Variants in TRAF2 observed in about 807,000 individuals in gnomAD.
The protein encoded by TRAF2 is TNF receptor-associated factor 2.
Under a neutral mutation model 55.6 loss-of-function variants are expected in TRAF2, and 6 were observed. The ratio of observed to expected loss-of-function variants is 0.11; its 90% CI spans 0.06 to 0.21. The LOEUF (loss-of-function observed/expected upper bound fraction) is 0.21. Among genes scored for constraint, TRAF2 ranks in the 10% least tolerant of loss-of-function variants. The pLI, the probability that TRAF2 is intolerant of heterozygous loss-of-function variation, is 1.00. For missense variants in TRAF2, 561 were observed against 684.5 expected (o/e 0.82, Z 2.01); for synonymous variants, 329 against 276.3 (o/e 1.19, Z -1.89).
chr9:136,916,454 C>T, intron 6 of TRAF2, 87 bp from the exon 7 acceptor site: 1 of 1,389,906 alleles, frequency 7.2e-7, no homozygotes. Flanking sequence ...GTCATGTAAC[C>T]TCTGTGTCAG....
chr9:136,910,885 G>A (rs893278481), intron 6 of TRAF2, among the ~76,000 whole-genome samples: 1 of 152,230 alleles, frequency 6.6e-6, no homozygotes, highest in Non-Finnish European at 1.5e-5. Context: ...GAGCTTGGCC[G>A]AGTGCTGTCT....
intron 4 of TRAF2, among the ~76,000 whole-genome samples, chr9:136,901,406 A>T (rs1204088238): frequency 6.6e-6 from 1 of 152,220 alleles, no homozygotes; most frequent in Non-Finnish European, 1.5e-5. Flanking sequence ...TGATCTGTGC[A>T]CACAGTGGGA....
Position 136,899,721 on chromosome 9 carries a change from A to C in TRAF2, c.267+49A>C, listed in dbSNP as rs1188878261. The stretch of plus-strand genomic sequence containing the variant: ...AAAATGTTGAACAGAAAATGTCTTA[A>C]TTTCCTTTACAACATGGGTGGGGCT... On this transcript the variant is annotated intron_variant, in intron 3 of 10. Transcript: ENST00000247668. The C allele has an allele frequency of 3.2e-6, 5 of 1,572,162 alleles. No individual in the cohort carries two copies. In the African/African-American group the frequency reaches 5.4e-5, roughly 17 times the overall value.
upstream of TRAF2, among the ~76,000 whole-genome samples, chr9:136,884,488 A>G (rs967431049): frequency 2.0e-5 from 3 of 151,990 alleles, no homozygotes; most frequent in Admixed American, 1.3e-4. Context: ...TGAACCCGGG[A>G]GGCAGAGGTT....
At chr9:136,907,788 G>T (rs764265195) in intron 4 of TRAF2, among the ~76,000 whole-genome samples, 7 of 152,006 alleles carry the variant, frequency 4.6e-5, no homozygotes, top group Non-Finnish European at 8.8e-5. Context: ...GGGGCAGATC[G>T]GGGAGCCTGG....
chr9:136,900,749 G>A, intron 4 of TRAF2: 1 of 542,512 alleles, frequency 1.8e-6, no homozygotes, highest in Non-Finnish European at 3.5e-6. Context: ...TGTGACCTCG[G>A]GCGAGGTATT....
At chr9:136,909,777 A>G (rs1850056654) in intron 5 of TRAF2, 143 bp from the exon 6 acceptor site, 1 of 762,702 alleles carries the variant, frequency 1.3e-6, no homozygotes. Flanking sequence ...CCTGCCCGGG[A>G]GGAGCACTGT....
intron 1 of TRAF2, among the ~76,000 whole-genome samples, chr9:136,887,784 AGTT>A (rs1475039959): frequency 6.6e-6 from 1 of 152,182 alleles, no homozygotes; most frequent in Non-Finnish European, 1.5e-5. Context: ...TTGTATAAAC[AGTT>A]GTTAAGAGTT....
upstream of TRAF2, chr9:136,882,033 G>C: frequency 1.0e-6 from 1 of 985,548 alleles, no homozygotes; most frequent in Non-Finnish European, 1.2e-6. Flanking sequence ...GGCTATTTGA[G>C]GTGGGCACTT....
intron 4 of TRAF2, among the ~76,000 whole-genome samples, chr9:136,905,987 C>T (rs567308622): frequency 1.2e-4 from 18 of 152,122 alleles, no homozygotes; most frequent in Non-Finnish European, 2.1e-4. Context: ...CGCCCGTAGT[C>T]CCAGCTACTC....
chr9:136,922,462 ACGG>A, intron 9 of TRAF2: 1 of 152,882 alleles, frequency 6.5e-6, no homozygotes, highest in South Asian at 2.0e-4. Context: ...AGGCCCTGCC[ACGG>A]AGGTGGTCTT....
upstream of TRAF2, among the ~76,000 whole-genome samples, chr9:136,884,951 G>C (rs903166422): frequency 1.3e-5 from 2 of 152,240 alleles, no homozygotes; most frequent in African/African-American, 4.8e-5. Context: ...ACGTTTGAGA[G>C]CTCAGTTAGT....
intron 1 of TRAF2, 168 bp from the exon 2 acceptor site, chr9:136,898,545 G>T (rs184204836): frequency 1.0e-6 from 1 of 979,774 alleles, no homozygotes; most frequent in Non-Finnish European, 1.2e-6. Flanking sequence ...GGACTAGAGG[G>T]TCTCCAAGGC....
intron 5 of TRAF2, among the ~76,000 whole-genome samples, chr9:136,909,210 G>A (rs1041322678): frequency 3.3e-4 from 7 of 21,074 alleles, no homozygotes; most frequent in African/African-American, 1.6e-3. Flanking sequence ...GTCTGACTTC[G>A]CCTTCCCCAA....
intron 10 of TRAF2, among the ~76,000 whole-genome samples, chr9:136,924,839 A>C (rs867946399): frequency 6.6e-6 from 1 of 152,078 alleles, no homozygotes; most frequent in South Asian, 2.1e-4. Flanking sequence ...CCTGGGTTCA[A>C]GCGATTCTCC....
At position 136,923,927 on chromosome 9, in the gene TRAF2, C is replaced by G; in HGVS notation, c.1214C>G (p.Thr405Arg). ...AACGGCGACGGCACCGGGCGAGGAA[C>G]ACACCTGTCCCTCTTCTTTGTGGTG... ...YLNGDGTGRG[T>R]HLSLFFVVMK... The change falls in exon 10 of 11, where the codon ACA (threonine) becomes AGA (arginine). Residue 405 changes from threonine to arginine, a missense_variant. This residue lies in a region of TRAF2 where 135 missense variants were observed against 207.7 expected (regional missense o/e 0.65). Coordinates refer to ENST00000247668, the MANE Select transcript of TRAF2 (RefSeq NM_021138.4). The G allele has an allele frequency of 6.2e-7, 1 of 1,614,046 alleles. No homozygotes were observed. The highest frequency in any genetic ancestry group is 8.5e-7 in the Non-Finnish European group (1 of 1,180,018).
rs199788104 is a variant in TRAF2, at chr9:136,924,023, C to T, written c.1287+23C>T. 3.6e-4 allele frequency: 574 copies of T among 1,609,502 alleles called. 1 individual carries two copies. In the African/African-American group the frequency reaches 6.2e-3, roughly 17 times the overall value. The stretch of plus-strand genomic sequence containing the variant: ...AAGGTGAGGCCGTCCCTGCAGGCTT[C>T]GCTAGGGCCGCACCTGGGAGTCCCT... On this transcript the variant is annotated intron_variant, in intron 10 of 10. Transcript: ENST00000247668.
At position 136,898,274 on chromosome 9, in the gene TRAF2, T is replaced by C. The variant is rs548494195; in HGVS notation, c.-28-439T>C. 4.0e-4 allele frequency among the ~76,000 whole-genome samples: 61 copies of C among 152,286 alleles called. No homozygotes were observed. In the South Asian group the frequency reaches 5.6e-3, roughly 14 times the overall value. On this transcript the variant is annotated intron_variant, in intron 1 of 10. Transcript: ENST00000247668. ...CCTGCCCAGTGGGTTTGGTAAGATA[T>C]ATTTCAGAAGGCATCCACCACTCTA... is the stretch of plus-strand genomic sequence containing the variant.
intron 7 of TRAF2, among the ~76,000 whole-genome samples, chr9:136,918,826 C>T (rs752913213): frequency 2.6e-5 from 4 of 151,932 alleles, no homozygotes; most frequent in Non-Finnish European, 5.9e-5. Flanking sequence ...GCCTCCACCT[C>T]CTGGGTTCAA....
Sources: gnomAD v4.1 joint callset for allele counts (sites outside exome capture counted in the v4.1 genomes callset) on GRCh38, gnomAD v4.1.1 for gene constraint, gnomAD v4.1.1 regional missense constraint, MANE v1.5 for transcripts, NCBI Gene and HGNC (gene_info 2026-07-23, HGNC 2026-07-21) for gene names.